CFDP1: variants seen among roughly 807,000 people sequenced by gnomAD.
The protein encoded by CFDP1 is heterochromatin-stabilizing protein CFDP1.
Under a neutral mutation model 40.1 loss-of-function variants are expected in CFDP1, and 31 were observed. That is an observed-to-expected ratio of 0.77 (90% CI 0.58 to 1.04). The LOEUF (loss-of-function observed/expected upper bound fraction) is 1.04. Among genes scored for constraint, CFDP1 ranks in the 50% least tolerant of loss-of-function variants. CFDP1 has a pLI of 0.00. For missense variants in CFDP1, 423 were observed against 343.4 expected, an observed-to-expected ratio of 1.23 and a Z score of -1.83; for synonymous variants, 167 against 120.0, an observed-to-expected ratio of 1.39 and a Z score of -2.56.
At chr16:75,348,052 T>C (rs10459859) in intron 5 of CFDP1, among the ~76,000 whole-genome samples, 75,157 of 151,998 alleles carry the variant, frequency 0.49, 20,094 homozygotes, top group Admixed American at 0.63. Flanking sequence ...ACACAAACGG[T>C]TATTAGTGGG....
chr16:75,398,400 A>AG (rs1346556939), intron 4 of CFDP1, among the ~76,000 whole-genome samples: 1 of 152,200 alleles, frequency 6.6e-6, no homozygotes, highest in African/African-American at 2.4e-5. Flanking sequence ...CCCCAGTTAG[A>AG]GGGGGAGTCT....
intron 6 of CFDP1, among the ~76,000 whole-genome samples, chr16:75,302,707 C>A (rs113341374): frequency 6.6e-6 from 1 of 152,318 alleles, no homozygotes; most frequent in African/African-American, 2.4e-5. Context: ...GACAGAGCTG[C>A]GAGTTACTGG....
chr16:75,295,363 C>T lies in CFDP1; in HGVS notation c.810-1321G>A, dbSNP rs143167527. On this transcript the variant is annotated intron_variant, in intron 6 of 6. Transcript: ENST00000283882. ...GTCTGTGACTCTGCAAGTCACTTAA[C>T]CTTGCTAGTTCTGTTTCCTAATCTG... 6.5e-3 allele frequency among the ~76,000 whole-genome samples: 985 copies of T among 152,320 alleles called. 8 individuals carry two copies. Among genetic ancestry groups the T allele is most frequent in the Middle Eastern group, 0.017 (5 of 294 alleles).
intron 2 of CFDP1, among the ~76,000 whole-genome samples, chr16:75,413,909 C>T (rs1260157061): frequency 6.6e-6 from 1 of 152,096 alleles, no homozygotes; most frequent in Non-Finnish European, 1.5e-5. Context: ...AACAATTCCA[C>T]TTCTAAATGT....
chr16:75,327,279 G>C (rs539177170), intron 5 of CFDP1, among the ~76,000 whole-genome samples: 1 of 151,872 alleles, frequency 6.6e-6, no homozygotes, highest in Non-Finnish European at 1.5e-5. Context: ...AAAACAAAAC[G>C]AAACAAAAAA....
chr16:75,331,620 T>A (rs901982802), intron 5 of CFDP1, among the ~76,000 whole-genome samples: 1 of 152,234 alleles, frequency 6.6e-6, no homozygotes, highest in Non-Finnish European at 1.5e-5. Context: ...GAACTTTATG[T>A]AGATGGAATA....
chr16:75,386,836 A>T (rs558766331), intron 5 of CFDP1, among the ~76,000 whole-genome samples: 1 of 152,352 alleles, frequency 6.6e-6, no homozygotes, highest in South Asian at 2.1e-4. Context: ...TCCCAAAAGG[A>T]TATCACTAGA....
At chr16:75,397,911 T>A (rs1023347642) in intron 4 of CFDP1, among the ~76,000 whole-genome samples, 1 of 152,226 alleles carries the variant, frequency 6.6e-6, no homozygotes, top group African/African-American at 2.4e-5. Context: ...GCCAATGAAG[T>A]ATTAGCTGAT....
At chr16:75,395,021 A>G in intron 5 of CFDP1, 69 bp downstream of exon 5, 1 of 1,584,900 alleles carries the variant, frequency 6.3e-7, no homozygotes, top group Non-Finnish European at 8.6e-7. Flanking sequence ...CTGCAGCGAA[A>G]GTAGGTATTT....
chr16:75,412,708 C>G lies in CFDP1; in HGVS notation c.229G>C (p.Asp77His). 6.2e-7 allele frequency: 1 copy of G among 1,614,042 alleles called. No homozygotes were observed. ...CTTCCCTCAGATTCTGAATTGGCAT[C>G]CTCCTCTTCCTCTTCTTCTAATGAG... ...GLSLEEEEEE[D>H]ANSESEGSSS... The change falls in exon 3 of 7, where the codon GAT (aspartate) becomes CAT (histidine). Residue 77 changes from aspartate to histidine, a missense_variant. By Grantham distance (81) the Asp-to-His change is moderately conservative (BLOSUM62 -1). Coordinates refer to ENST00000283882, the MANE Select transcript of CFDP1 (RefSeq NM_006324.3).
At chr16:75,372,796 C>T (rs1286312042) in intron 5 of CFDP1, among the ~76,000 whole-genome samples, 1 of 152,156 alleles carries the variant, frequency 6.6e-6, no homozygotes. Context: ...AATGCACGCA[C>T]ACACAAATAC....
intron 5 of CFDP1, among the ~76,000 whole-genome samples, chr16:75,349,680 A>ATATATATAT (rs59380218): frequency 1.0e-3 from 7 of 6,668 alleles, no homozygotes; most frequent in Admixed American, 7.9e-3. Flanking sequence ...AAAAAAAAAA[A>ATATATATAT]AAAAAAAAAA....
intron 5 of CFDP1, among the ~76,000 whole-genome samples, chr16:75,393,388 T>C (rs2078968431): frequency 6.6e-6 from 1 of 152,144 alleles, no homozygotes; most frequent in East Asian, 1.9e-4. Context: ...TAAGAGAGTA[T>C]ACTAGTATAA....
At chr16:75,419,061 T>G (rs2079245911) in intron 1 of CFDP1, 1 of 421,084 alleles carries the variant, frequency 2.4e-6, no homozygotes, top group Non-Finnish European at 4.8e-6. Context: ...GAGGATCACT[T>G]GAGCCCAGGA....
intron 5 of CFDP1, among the ~76,000 whole-genome samples, chr16:75,340,659 TA>T (rs2078520649): frequency 6.6e-6 from 1 of 152,228 alleles, no homozygotes; most frequent in African/African-American, 2.4e-5. Context: ...CAAGTGAAGT[TA>T]AAGTTTTAAG....
chr16:75,404,977 T>C (rs1196931535), intron 4 of CFDP1, among the ~76,000 whole-genome samples: 1 of 152,188 alleles, frequency 6.6e-6, no homozygotes, highest in Admixed American at 6.5e-5. Context: ...GAATCATTTG[T>C]ATATAGTGCT....
chr16:75,402,974 T>C (rs1456622501), intron 4 of CFDP1, among the ~76,000 whole-genome samples: 1 of 152,192 alleles, frequency 6.6e-6, no homozygotes, highest in Admixed American at 6.6e-5. Context: ...TTTTGAAATA[T>C]AAAATGTATG....
At chr16:75,330,811 T>C (rs560983925) in intron 5 of CFDP1, among the ~76,000 whole-genome samples, 8 of 152,160 alleles carry the variant, frequency 5.3e-5, no homozygotes. Flanking sequence ...TCTTGTAAGA[T>C]GAGAATGTCT....
intron 1 of CFDP1, among the ~76,000 whole-genome samples, chr16:75,428,731 G>C (rs1205191818): frequency 2.6e-5 from 4 of 151,366 alleles, no homozygotes; most frequent in African/African-American, 4.9e-5. Context: ...AAAAGGAAAA[G>C]GAAAAAAAAT....
Sources: allele counts gnomAD v4.1 joint callset (sites outside exome capture counted in the v4.1 genomes callset), GRCh38; gene constraint gnomAD v4.1.1; transcripts MANE v1.5; gene names NCBI Gene and HGNC (gene_info 2026-07-23, HGNC 2026-07-21).